The following CREB5 variants were observed in gnomAD, a reference collection of about 807,000 sequenced individuals.
CREB5 encodes cyclic AMP-responsive element-binding protein 5.
CREB5 carries 19 observed loss-of-function variants against 57.1 expected under a neutral mutation model. That is an observed-to-expected ratio of 0.33 (90% CI 0.23 to 0.49). CREB5 has a LOEUF of 0.49. CREB5 is among the 20% of genes least tolerant of loss of function. CREB5 has a pLI of 0.99. For missense variants in CREB5, 579 were observed against 671.6 expected, an observed-to-expected ratio of 0.86 and a Z score of 1.52; for synonymous variants, 238 against 238.3, an observed-to-expected ratio of 1.00 and a Z score of 0.01.
At chr7:28,515,685 A>G (rs1266155237) in intron 4 of CREB5, among the ~76,000 whole-genome samples, 27 of 152,134 alleles carry the variant, frequency 1.8e-4, no homozygotes, top group Admixed American at 1.8e-3. Context: ...AAATTTCTTT[A>G]GACACAGTCC....
At chr7:28,390,185 TG>T (rs1025009308) in intron 1 of CREB5, among the ~76,000 whole-genome samples, 4 of 152,140 alleles carry the variant, frequency 2.6e-5, no homozygotes, top group Admixed American at 2.6e-4. Context: ...GATGATTGCC[TG>T]GGGCTCTGCT....
chr7:28,809,882 T>TTA (rs1376419187), intron 9 of CREB5, among the ~76,000 whole-genome samples: 2 of 152,212 alleles, frequency 1.3e-5, no homozygotes, highest in Non-Finnish European at 2.9e-5. Context: ...TTTTCATTAA[T>TTA]TATATTCACT....
At chr7:28,547,833 T>C (rs1179673828) in intron 4 of CREB5, among the ~76,000 whole-genome samples, 3 of 152,242 alleles carry the variant, frequency 2.0e-5, no homozygotes, top group Non-Finnish European at 4.4e-5. Context: ...TCCTTGAAGA[T>C]AAAGACCATA....
At chr7:28,809,554 T>A in intron 9 of CREB5, 140 bp downstream of exon 9, 1 of 742,636 alleles carries the variant, frequency 1.3e-6, no homozygotes, top group Non-Finnish European at 2.1e-6. Context: ...ACTCCTCGAG[T>A]TTTATTAATT....
At chr7:28,667,581 T>TAAAAAAAAAAAAA (rs1402339847) in intron 5 of CREB5, among the ~76,000 whole-genome samples, 1 of 144,444 alleles carries the variant, frequency 6.9e-6, no homozygotes, top group Non-Finnish European at 1.5e-5. Context: ...GATGATGTTT[T>TAAAAAAAAAAAAA]AAAAAAATAA....
intron 5 of CREB5, among the ~76,000 whole-genome samples, chr7:28,667,603 G>T (rs1021357874): frequency 2.0e-5 from 3 of 151,028 alleles, no homozygotes; most frequent in African/African-American, 7.3e-5. Flanking sequence ...AGAGAGAAAA[G>T]AAAAAAAAGA....
At chr7:28,672,188 A>AAC (rs1554283304) in intron 5 of CREB5, among the ~76,000 whole-genome samples, 193 of 147,078 alleles carry the variant, frequency 1.3e-3, no homozygotes, top group African/African-American at 4.2e-3. Flanking sequence ...AAAAAAAAAA[A>AAC]ACACACACAC....
intron 7 of CREB5, among the ~76,000 whole-genome samples, chr7:28,774,258 G>A (rs1178157274): frequency 2.6e-5 from 4 of 152,298 alleles, no homozygotes; most frequent in African/African-American, 9.6e-5. Context: ...ACTGCAGGTA[G>A]TAGTCTAGAC....
chr7:28,646,059 A>G (rs909527887), intron 5 of CREB5, among the ~76,000 whole-genome samples: 8 of 152,102 alleles, frequency 5.3e-5, no homozygotes, highest in African/African-American at 1.9e-4. Flanking sequence ...TTGAACTAGA[A>G]CTACACCACC....
intron 1 of CREB5, among the ~76,000 whole-genome samples, chr7:28,434,864 A>G (rs1490119133): frequency 6.6e-6 from 1 of 152,220 alleles, no homozygotes; most frequent in Non-Finnish European, 1.5e-5. Flanking sequence ...TCAATTCCAC[A>G]GATTCATAGA....
At chr7:28,401,413 T>A (rs1042010176) in intron 1 of CREB5, among the ~76,000 whole-genome samples, 56 of 152,112 alleles carry the variant, frequency 3.7e-4, no homozygotes, top group South Asian at 6.2e-4. Flanking sequence ...TTAATTTTTT[T>A]AATTTTTTAT....
chr7:28,704,233 T>A (rs1801998094), intron 5 of CREB5, among the ~76,000 whole-genome samples: 1 of 152,222 alleles, frequency 6.6e-6, no homozygotes, highest in Non-Finnish European at 1.5e-5. Flanking sequence ...TCCAAAGGAT[T>A]ATTGTTCATA....
chr7:28,562,638 C>T (rs1368279042), intron 4 of CREB5, among the ~76,000 whole-genome samples: 1 of 152,164 alleles, frequency 6.6e-6, no homozygotes, highest in African/African-American at 2.4e-5. Context: ...TGATGTCTTC[C>T]CTCAAGTCAA....
chr7:28,478,273 C>T (rs1019971994), intron 1 of CREB5, among the ~76,000 whole-genome samples: 6 of 152,024 alleles, frequency 3.9e-5, no homozygotes, highest in East Asian at 3.9e-4. Flanking sequence ...TGGTACAATA[C>T]GAGCTAGGCA....
At chr7:28,458,897 G>A (rs570371615) in intron 1 of CREB5, among the ~76,000 whole-genome samples, 8 of 152,352 alleles carry the variant, frequency 5.3e-5, no homozygotes, top group African/African-American at 7.2e-5. Context: ...GAGAAGCCAA[G>A]GCTTTGCATG....
chr7:28,439,541 T>A (rs1020277741), intron 1 of CREB5, among the ~76,000 whole-genome samples: 4 of 152,160 alleles, frequency 2.6e-5, no homozygotes, highest in African/African-American at 9.7e-5. Flanking sequence ...GTGGTTGCCA[T>A]TATCAGCCCC....
chr7:28,407,392 G>A (rs931898314), intron 1 of CREB5, among the ~76,000 whole-genome samples: 1 of 152,078 alleles, frequency 6.6e-6, no homozygotes, highest in South Asian at 2.1e-4. Flanking sequence ...TTCTTAACTC[G>A]AGTCGCTGTA....
At chr7:28,526,587 G>A (rs1185051626) in intron 4 of CREB5, among the ~76,000 whole-genome samples, 1 of 152,216 alleles carries the variant, frequency 6.6e-6, no homozygotes, top group Non-Finnish European at 1.5e-5. Flanking sequence ...GGTTACTACA[G>A]AACATTGTTG....
At chr7:28,741,065 CA>C (rs36119854) in intron 7 of CREB5, among the ~76,000 whole-genome samples, 3 of 150,916 alleles carry the variant, frequency 2.0e-5, no homozygotes, top group African/African-American at 7.3e-5. Flanking sequence ...GTTGAGTTAC[CA>C]AAAATGTTGT....
Sources: allele counts gnomAD v4.1 joint callset (sites outside exome capture counted in the v4.1 genomes callset), GRCh38; gene constraint gnomAD v4.1.1; transcripts MANE v1.5; gene names NCBI Gene and HGNC (gene_info 2026-07-23, HGNC 2026-07-21).